Variants in DISP1 observed in about 807,000 individuals in gnomAD.
DISP1 encodes dispatched RND transporter family member 1.
DISP1 carries 30 observed loss-of-function variants against 37.3 expected under a neutral mutation model. That is an observed-to-expected ratio of 0.80 (90% CI 0.60 to 1.09). The LOEUF is 1.09. Among genes scored for constraint, DISP1 ranks in the 50% least tolerant of loss-of-function variants. DISP1 has a pLI of 0.00. For missense variants in DISP1, 1,598 were observed against 1,879.5 expected, an observed-to-expected ratio of 0.85 and a Z score of 2.77; for synonymous variants, 634 against 690.2, an observed-to-expected ratio of 0.92 and a Z score of 1.28.
At position 222,972,277 on chromosome 1, in the gene DISP1, G is replaced by T. The variant is rs562020671; in HGVS notation, c.510-10803G>T. ...TTTTGATTCACATATTGATAAGATT[G>T]TCAGAGGCTTTCTAAATTACTTAAA... On this transcript the variant is annotated intron_variant, in intron 3 of 8. Coordinates refer to ENST00000675850, the MANE Select transcript of DISP1 (RefSeq NM_001377229.1). 2.6e-5 allele frequency among the ~76,000 whole-genome samples: 4 copies of T among 152,120 alleles called. No homozygotes were observed. In the South Asian group the frequency reaches 8.3e-4, roughly 32 times the overall value.
At chr1:222,988,001 G>T (rs1234851536) in intron 4 of DISP1, among the ~76,000 whole-genome samples, 1 of 152,198 alleles carries the variant, frequency 6.6e-6, no homozygotes, top group Non-Finnish European at 1.5e-5. Context: ...AGGAAATAAA[G>T]TAAGGAGAAT....
intron 1 of DISP1, among the ~76,000 whole-genome samples, chr1:222,908,936 C>T (rs1054743752): frequency 1.3e-5 from 2 of 151,306 alleles, no homozygotes; most frequent in Non-Finnish European, 2.9e-5. Context: ...CTACACTTTG[C>T]AAATTTATTG....
At chr1:223,000,867 G>T (rs1572740480) in intron 8 of DISP1, among the ~76,000 whole-genome samples, 2 of 152,120 alleles carry the variant, frequency 1.3e-5, no homozygotes, top group East Asian at 3.9e-4. Flanking sequence ...TCAAGGTAAA[G>T]AGTGTTTTTA....
chr1:222,980,076 T>A (rs1970381), intron 3 of DISP1, among the ~76,000 whole-genome samples: 148,899 of 152,260 alleles, frequency 0.98, 72,885 homozygotes, highest in East Asian at 1. Context: ...CAAAATTTAG[T>A]TGTGTATTGT....
chr1:222,868,361 A>G (rs1379652717), intron 1 of DISP1, among the ~76,000 whole-genome samples: 1 of 152,082 alleles, frequency 6.6e-6, no homozygotes, highest in Non-Finnish European at 1.5e-5. Context: ...ATGTGTGTGT[A>G]TATATGTTTA....
At chr1:222,974,556 G>C (rs1032095997) in intron 3 of DISP1, among the ~76,000 whole-genome samples, 2 of 151,908 alleles carry the variant, frequency 1.3e-5, no homozygotes, top group African/African-American at 4.8e-5. Context: ...AGTTTATTTT[G>C]TATAGAAGCT....
intron 1 of DISP1, among the ~76,000 whole-genome samples, chr1:222,862,087 C>T (rs909462733): frequency 4.6e-5 from 7 of 152,196 alleles, no homozygotes; most frequent in African/African-American, 7.2e-5. Flanking sequence ...TGCTTATCAC[C>T]TCCTTGTCCA....
At position 222,957,418 on chromosome 1, in the gene DISP1, G is replaced by A. The variant is rs551677843; in HGVS notation, c.509+14086G>A. Among the ~76,000 whole-genome samples the A allele has an allele frequency of 3.3e-5, 5 of 152,060 alleles. No homozygotes were observed. The South Asian group carries it at 1.0e-3, about 32-fold the overall frequency. The stretch of plus-strand genomic sequence containing the variant: ...AGCCTGACCAACATAGTGAAATCCC[G>A]TCTCTACTAAAAATACAAAAATTAG... On this transcript the variant is annotated intron_variant, in intron 3 of 8. Transcript: ENST00000675850.
intron 1 of DISP1, among the ~76,000 whole-genome samples, chr1:222,914,005 T>G (rs889234926): frequency 4.3e-4 from 64 of 149,024 alleles, no homozygotes; most frequent in Non-Finnish European, 6.9e-4. Context: ...TTTGGTTGTT[T>G]TTTTTTTTTT....
At chr1:222,892,418 C>T (rs1670991737) in intron 1 of DISP1, among the ~76,000 whole-genome samples, 1 of 152,164 alleles carries the variant, frequency 6.6e-6, no homozygotes, top group South Asian at 2.1e-4. Flanking sequence ...TATGAATAAG[C>T]TTATTCACAT....
chr1:222,912,069 C>T (rs1672244249), intron 1 of DISP1, among the ~76,000 whole-genome samples: 1 of 152,176 alleles, frequency 6.6e-6, no homozygotes, highest in African/African-American at 2.4e-5. Context: ...CCGGAGGAAT[C>T]TGAGTCTTGT....
intron 2 of DISP1, among the ~76,000 whole-genome samples, chr1:222,939,690 T>TGTG (rs1226045872): frequency 1.3e-5 from 2 of 150,396 alleles, no homozygotes; most frequent in East Asian, 3.9e-4. Flanking sequence ...ATTAGCTGGG[T>TGTG]GTGGTGGCAC....
intron 8 of DISP1, among the ~76,000 whole-genome samples, chr1:222,997,934 A>G (rs907843883): frequency 1.1e-4 from 17 of 152,146 alleles, no homozygotes; most frequent in African/African-American, 4.1e-4. Flanking sequence ...TAGGTGATCA[A>G]AGCCCCAAAA....
In DISP1 at chr1:222,875,654, TAAAAAAAAAAA is replaced by T. The variant is rs1161033639; in HGVS notation, c.-158-52763_-158-52753del. On this transcript the variant is annotated intron_variant, in intron 1 of 8. Coordinates refer to ENST00000675850, the MANE Select transcript of DISP1 (RefSeq NM_001377229.1). ...CAACATGGTGAAACCCTGTCTCTAC[TAAAAAAAAAAA>T]AAAAAAAAAAAATTAGCCATATGTG... 1.3e-4 allele frequency among the ~76,000 whole-genome samples: 12 copies of T among 93,680 alleles called. No homozygotes were observed. In the East Asian group the frequency reaches 3.6e-3, roughly 28 times the overall value. The allele number at this position is 93,680 out of a possible 152,430, so 61.5% of individuals were successfully genotyped here. A position where few individuals can be genotyped will look rare whatever the true frequency, so the allele number is the denominator to read the frequency against.
At chr1:222,890,537 G>A (rs758341054) in intron 1 of DISP1, among the ~76,000 whole-genome samples, 35 of 152,248 alleles carry the variant, frequency 2.3e-4, no homozygotes, top group Non-Finnish European at 4.4e-4. Flanking sequence ...AAATGAGGGA[G>A]ATAAGGGATA....
chr1:222,861,181 C>T (rs962082820), intron 1 of DISP1, among the ~76,000 whole-genome samples: 13 of 152,152 alleles, frequency 8.5e-5, no homozygotes, highest in African/African-American at 2.7e-4. Flanking sequence ...GTTCTTCAGA[C>T]ATAACCAGGT....
chr1:222,870,818 G>T (rs1371326527), intron 1 of DISP1, among the ~76,000 whole-genome samples: 1 of 152,098 alleles, frequency 6.6e-6, no homozygotes, highest in Non-Finnish European at 1.5e-5. Flanking sequence ...GTCAATTTTG[G>T]ATTTTGTTGC....
intron 1 of DISP1, among the ~76,000 whole-genome samples, chr1:222,843,181 T>TA (rs1181032597): frequency 1.3e-5 from 2 of 151,534 alleles, no homozygotes; most frequent in African/African-American, 2.4e-5. Context: ...AAGATAGTAT[T>TA]AAAAAAAACA....
At chr1:222,816,777 G>A (rs1484187797) in intron 1 of DISP1, among the ~76,000 whole-genome samples, 3 of 152,152 alleles carry the variant, frequency 2.0e-5, no homozygotes, top group South Asian at 4.1e-4. Context: ...TATTGAATAA[G>A]TTTTCAAATT....
Sources: allele counts gnomAD v4.1 joint callset (sites outside exome capture counted in the v4.1 genomes callset), GRCh38; gene constraint gnomAD v4.1.1; transcripts MANE v1.5; gene names NCBI Gene and HGNC (gene_info 2026-07-23, HGNC 2026-07-21).